Variants in PDE1A observed in about 807,000 individuals in gnomAD.
PDE1A encodes the protein phosphodiesterase 1A.
In PDE1A, 35 loss-of-function variants were observed where a neutral mutation model predicts 61.7. The observed-to-expected ratio is 0.57, with a 90% CI of 0.43 to 0.75. PDE1A has a LOEUF of 0.75. PDE1A is among the 30% of genes least tolerant of loss of function. The probability of loss-of-function intolerance (pLI) is 0.00; values close to 1 mark genes in which losing one functional copy is unlikely to be tolerated. For missense variants in PDE1A, 597 were observed against 630.6 expected (o/e 0.95, Z 0.57); for synonymous variants, 232 against 213.2 (o/e 1.09, Z -0.77).
chr2:182,463,459 CT>C (rs1013763399), intron 2 of PDE1A: 42 of 152,230 alleles, frequency 2.8e-4, no homozygotes, highest in African/African-American at 9.1e-4. Context: ...CAAGCCCACT[CT>C]GATTTAAACT....
intron 2 of PDE1A, among the ~76,000 whole-genome samples, chr2:182,510,202 A>G (rs749201969): frequency 1.3e-5 from 2 of 152,146 alleles, no homozygotes; most frequent in Non-Finnish European, 2.9e-5. Context: ...AAGCTTCAAG[A>G]AAGTATAGCT....
At chr2:182,573,156 T>C in the PDE1A span, among the ~76,000 whole-genome samples, 2 of 152,166 alleles carry the variant, frequency 1.3e-5, no homozygotes, top group South Asian at 4.1e-4. Context: ...TGATACCGTT[T>C]ACAATGTAGT....
At chr2:182,613,997 T>C in the PDE1A span, among the ~76,000 whole-genome samples, 1 of 152,212 alleles carries the variant, frequency 6.6e-6, no homozygotes, top group Non-Finnish European at 1.5e-5. Context: ...AAACACAAAA[T>C]TGGGGTGGAG....
intron 1 of PDE1A, among the ~76,000 whole-genome samples, chr2:182,343,255 A>G (rs533086415): frequency 2.8e-4 from 43 of 152,324 alleles, no homozygotes; most frequent in African/African-American, 1.0e-3. Context: ...TTTGGTGGAA[A>G]TTTAACATTA....
the PDE1A span, among the ~76,000 whole-genome samples, chr2:182,674,839 A>T: frequency 6.6e-6 from 1 of 152,112 alleles, no homozygotes; most frequent in Non-Finnish European, 1.5e-5. Context: ...GTGCATAATA[A>T]TCCCAGCAGA....
chr2:182,483,163 G>C (rs13394418), intron 2 of PDE1A, among the ~76,000 whole-genome samples: 1 of 151,808 alleles, frequency 6.6e-6, no homozygotes, highest in African/African-American at 2.4e-5. Flanking sequence ...CTTACACACA[G>C]AGACAGAAAA....
the PDE1A span, among the ~76,000 whole-genome samples, chr2:182,704,061 AT>A: frequency 7.5e-6 from 1 of 133,710 alleles, no homozygotes; most frequent in South Asian, 2.5e-4. Flanking sequence ...AAAAAAAAAA[AT>A]TATCTGGGCG....
chr2:182,666,523 G>A, the PDE1A span, among the ~76,000 whole-genome samples: 5 of 151,764 alleles, frequency 3.3e-5, no homozygotes, highest in South Asian at 2.1e-4. Flanking sequence ...CAGGAGAATC[G>A]CTTGAACCCG....
chr2:182,358,716 A>C (rs561394277), intron 1 of PDE1A, among the ~76,000 whole-genome samples: 4 of 152,270 alleles, frequency 2.6e-5, no homozygotes, highest in African/African-American at 9.6e-5. Context: ...ATCCTAAGCA[A>C]TTTACATACA....
At chr2:182,409,577 C>T (rs1383478671) in intron 1 of PDE1A, among the ~76,000 whole-genome samples, 2 of 152,126 alleles carry the variant, frequency 1.3e-5, no homozygotes, top group Non-Finnish European at 2.9e-5. Flanking sequence ...AGCCTTCAAA[C>T]AAGTTACAGG....
intron 13 of PDE1A, among the ~76,000 whole-genome samples, chr2:182,157,009 A>G (rs1249916409): frequency 7.5e-6 from 1 of 133,760 alleles, no homozygotes; most frequent in African/African-American, 3.5e-5. Flanking sequence ...ATTTTATTTT[A>G]TTTTATTTTA....
chr2:182,437,947 G>C (rs930046358), intron 2 of PDE1A, among the ~76,000 whole-genome samples: 11 of 151,794 alleles, frequency 7.2e-5, no homozygotes, highest in Non-Finnish European at 1.3e-4. Flanking sequence ...CATTGCTGCT[G>C]TTTTGAATGT....
At chr2:182,343,098 A>G (rs1025761785) in intron 1 of PDE1A, among the ~76,000 whole-genome samples, 7 of 152,216 alleles carry the variant, frequency 4.6e-5, no homozygotes, top group African/African-American at 1.7e-4. Flanking sequence ...AAATAGGCCC[A>G]TAATACTCAT....
At chr2:182,220,485 T>G (rs868200627) in intron 7 of PDE1A, among the ~76,000 whole-genome samples, 1 of 152,114 alleles carries the variant, frequency 6.6e-6, no homozygotes, top group South Asian at 2.1e-4. Context: ...AAAGTATGCA[T>G]GATTTTGTCT....
At chr2:182,196,616 C>T (rs888679924) in intron 10 of PDE1A, among the ~76,000 whole-genome samples, 2 of 151,782 alleles carry the variant, frequency 1.3e-5, no homozygotes, top group African/African-American at 2.4e-5. Flanking sequence ...GCCTTAACCT[C>T]GTCCAAGGAA....
the PDE1A span, among the ~76,000 whole-genome samples, chr2:182,555,750 G>C: frequency 6.6e-6 from 1 of 151,978 alleles, no homozygotes; most frequent in Non-Finnish European, 1.5e-5. Flanking sequence ...CGAATCACCT[G>C]AGGTCAGGAG....
At chr2:182,211,372 C>A (rs899041396) in intron 7 of PDE1A, among the ~76,000 whole-genome samples, 1 of 152,114 alleles carries the variant, frequency 6.6e-6, no homozygotes, top group East Asian at 1.9e-4. Flanking sequence ...TTTCATTGAT[C>A]TATTTGTCTG....
intron 1 of PDE1A, among the ~76,000 whole-genome samples, chr2:182,417,129 G>A (rs937263169): frequency 6.6e-6 from 1 of 152,182 alleles, no homozygotes; most frequent in Non-Finnish European, 1.5e-5. Flanking sequence ...TCAGCACTTG[G>A]CTGGCCAATG....
At chr2:182,273,069 A>C (rs1255376566) in intron 1 of PDE1A, among the ~76,000 whole-genome samples, 1 of 152,136 alleles carries the variant, frequency 6.6e-6, no homozygotes, top group African/African-American at 2.4e-5. Context: ...ATCAAGAAAG[A>C]ATACAGCATT....
Sources: allele counts gnomAD v4.1 joint callset (sites outside exome capture counted in the v4.1 genomes callset), GRCh38; gene constraint gnomAD v4.1.1; transcripts MANE v1.5; gene names NCBI Gene and HGNC (gene_info 2026-07-23, HGNC 2026-07-21).